TBCD: variants seen among roughly 807,000 people sequenced by gnomAD.
The protein encoded by TBCD is tubulin folding cofactor D, also known as tubulin-specific chaperone D.
Under a neutral mutation model 169.3 loss-of-function variants are expected in TBCD, and 105 were observed. The observed-to-expected ratio is 0.62, with a 90% CI of 0.53 to 0.73. TBCD has a LOEUF of 0.73. Among genes scored for constraint, TBCD ranks in the 30% least tolerant of loss-of-function variants. The pLI, the probability that TBCD is intolerant of heterozygous loss-of-function variation, is 0.00. For missense variants in TBCD, 1,444 were observed against 1,600.1 expected (o/e 0.90, Z 1.66); for synonymous variants, 700 against 643.9 (o/e 1.09, Z -1.32).
At chr17:82,936,819 C>T (rs1026410008) in intron 34 of TBCD, among the ~76,000 whole-genome samples, 8 of 152,224 alleles carry the variant, frequency 5.3e-5, no homozygotes, top group Admixed American at 2.0e-4. Context: ...AGCCCTTGTC[C>T]CTGCTGCCAC....
In TBCD at chr17:82,941,431, G is replaced by T. The variant is rs775453008; in HGVS notation, c.3512G>T (p.Arg1171Leu). The change falls in exon 38 of 39, where the codon CGC becomes CTC. Residue 1171 changes from arginine to leucine, a missense_variant. Coordinates refer to ENST00000355528, the MANE Select transcript of TBCD (RefSeq NM_005993.5). ...GAGCTTGCAGTGGTGAGAGAGCAGC[G>T]CAACCGTCTGTGTGACCTTCTGGGC... is the stretch of plus-strand genomic sequence containing the variant. Reference protein sequence around the residue: ...DAELAVVREQRNRLCDLLGVP... With the variant: ...DAELAVVREQLNRLCDLLGVP... 16 of 1,601,726 alleles carry T rather than the reference G, an allele frequency of 1.0e-5. No homozygotes were observed. In the Admixed American group the frequency reaches 2.5e-4, roughly 25 times the overall value.
At chr17:82,836,705 A>G (rs758876408) in intron 13 of TBCD, among the ~76,000 whole-genome samples, 1 of 148,546 alleles carries the variant, frequency 6.7e-6, no homozygotes, top group Non-Finnish European at 1.5e-5. Context: ...AAAACAAAAC[A>G]AAACAAAACC....
chr17:82,883,052 C>T (rs907766689), intron 14 of TBCD, among the ~76,000 whole-genome samples: 1 of 2,448 alleles, frequency 4.1e-4, no homozygotes, highest in African/African-American at 5.4e-4. Context: ...ATGTATCTTT[C>T]ACATTTAGCT....
At chr17:82,865,102 T>A (rs1029167322) in intron 13 of TBCD, among the ~76,000 whole-genome samples, 3 of 152,182 alleles carry the variant, frequency 2.0e-5, no homozygotes, top group Admixed American at 6.5e-5. Flanking sequence ...GAAACCCAGA[T>A]GTCAGTGGAA....
chr17:82,857,052 C>T (rs1000414808), intron 13 of TBCD, among the ~76,000 whole-genome samples: 8 of 152,246 alleles, frequency 5.3e-5, no homozygotes, highest in Non-Finnish European at 5.9e-5. Context: ...TTTCCACAGA[C>T]GCTGTGCTGC....
In TBCD at chr17:82,921,528, CTT is replaced by C; in HGVS notation, c.2131_2132del (p.Leu711GlufsTer28). The stretch of plus-strand genomic sequence containing the variant: ...GGTTGGCAATGGCTGATAAATGACA[CTT>C]TGAGACATCTCCATCTCATCTCAAG... On this transcript the variant is annotated frameshift_variant, in exon 25 of 39. Transcript: ENST00000355528. LOFTEE classifies it high-confidence loss of function. 6.2e-7 allele frequency: 1 copy of C among 1,614,044 alleles called. No individual in the cohort carries two copies. The highest frequency in any genetic ancestry group is 8.5e-7 in the Non-Finnish European group (1 of 1,179,908).
rs1190136511 is a variant in TBCD at position 82,880,783 on chromosome 17, T to A, written c.1476-3362T>A. 6.6e-6 allele frequency among the ~76,000 whole-genome samples: 1 copy of A among 152,196 alleles called. No homozygotes were observed. Among genetic ancestry groups the A allele is most frequent in the Non-Finnish European group, 1.5e-5 (1 of 68,024 alleles). On this transcript the variant is annotated intron_variant, in intron 14 of 38. Coordinates refer to ENST00000355528, the MANE Select transcript of TBCD (RefSeq NM_005993.5). The surrounding 1 kb of genome is among the most constrained non-coding windows in gnomAD (Gnocchi z 5.0). ...CTGGGCGGGGAGGACGCAGGGTCTG[T>A]CGGAGCATAGCAGTGGCCCGTACGT...
chr17:82,807,026 C>T (rs1007137065), intron 10 of TBCD, among the ~76,000 whole-genome samples: 35 of 152,356 alleles, frequency 2.3e-4, no homozygotes, highest in African/African-American at 8.4e-4. Context: ...ACTGTCTCTC[C>T]ACCCTCCCCT....
chr17:82,780,077 G>A (rs1019197028), intron 6 of TBCD, among the ~76,000 whole-genome samples: 2 of 152,146 alleles, frequency 1.3e-5, no homozygotes, highest in African/African-American at 4.8e-5. Flanking sequence ...GGCTTGGCCA[G>A]TACTGGTCCT....
At chr17:82,899,246 G>T in intron 17 of TBCD, among the ~76,000 whole-genome samples, 1 of 144,762 alleles carries the variant, frequency 6.9e-6, no homozygotes, top group South Asian at 2.2e-4. Context: ...TGTCCTCAGC[G>T]CACGTGTCCT....
intron 13 of TBCD, among the ~76,000 whole-genome samples, chr17:82,823,742 C>T (rs2052600405): frequency 6.6e-6 from 1 of 152,086 alleles, no homozygotes; most frequent in Admixed American, 6.5e-5. Context: ...TATATAGTTC[C>T]ATGGTTTTTA....
At chr17:82,907,918 TG>T in intron 21 of TBCD, 97 bp downstream of exon 21, 1 of 1,326,434 alleles carries the variant, frequency 7.5e-7, no homozygotes. Flanking sequence ...GCAGTCCTGG[TG>T]GCCACTGTGC....
intron 34 of TBCD, 76 bp downstream of exon 34, chr17:82,932,811 C>G: frequency 7.0e-7 from 1 of 1,432,466 alleles, no homozygotes; most frequent in Non-Finnish European, 9.7e-7. Flanking sequence ...AGTCATCAGA[C>G]ACAGAGATCA....
intron 5 of TBCD, among the ~76,000 whole-genome samples, chr17:82,770,548 G>A (rs1335844060): frequency 6.7e-6 from 1 of 149,008 alleles, no homozygotes; most frequent in Non-Finnish European, 1.5e-5. Flanking sequence ...GTGGTGAGCC[G>A]ATATCACGCC....
At chr17:82,914,808 T>G (rs2060911469) in intron 23 of TBCD, among the ~76,000 whole-genome samples, 1 of 152,174 alleles carries the variant, frequency 6.6e-6, no homozygotes, top group African/African-American at 2.4e-5. Flanking sequence ...CAACTCAGGT[T>G]TTTTTCTCCT....
intron 23 of TBCD, chr17:82,918,926 T>A (rs1168425447): frequency 6.6e-6 from 1 of 152,236 alleles, no homozygotes; most frequent in East Asian, 1.9e-4. Flanking sequence ...TGAGTGATGG[T>A]GTCACAGGTG....
In TBCD at chr17:82,779,673, C is replaced by T. The variant is rs149236174; in HGVS notation, c.639-1916C>T. 2.0e-5 allele frequency among the ~76,000 whole-genome samples: 3 copies of T among 152,316 alleles called. No individual in the cohort carries two copies. In the East Asian group the frequency reaches 5.8e-4, roughly 29 times the overall value. ...CTGAGAGGGCTTGTCCCCACGGAAG[C>T]ATGGAGCCGGCTCTCGCGCAGGCCA... On this transcript the variant is annotated intron_variant, in intron 6 of 38. Coordinates refer to ENST00000355528, the MANE Select transcript of TBCD (RefSeq NM_005993.5).
At chr17:82,776,693 C>T (rs2048620277) in intron 6 of TBCD, among the ~76,000 whole-genome samples, 1 of 152,102 alleles carries the variant, frequency 6.6e-6, no homozygotes, top group African/African-American at 2.4e-5. Context: ...GGTTACAGAC[C>T]CGTTCTCGTG....
chr17:82,813,293 C>T (rs554443890), intron 12 of TBCD, among the ~76,000 whole-genome samples: 1 of 152,314 alleles, frequency 6.6e-6, no homozygotes, highest in Non-Finnish European at 1.5e-5. Context: ...CTCTCTTCCT[C>T]TCCCGCTCAT....
Sources: allele counts gnomAD v4.1 joint callset (sites outside exome capture counted in the v4.1 genomes callset), GRCh38; gene constraint gnomAD v4.1.1; non-coding constraint Gnocchi (gnomAD v3.1); transcripts MANE v1.5; gene names NCBI Gene and HGNC (gene_info 2026-07-23, HGNC 2026-07-21).